The following MYL12B variants were observed in gnomAD, a reference collection of about 807,000 sequenced individuals.
The protein encoded by MYL12B is myosin regulatory light chain 12B.
Under a neutral mutation model 12.9 loss-of-function variants are expected in MYL12B, and 3 were observed. That is an observed-to-expected ratio of 0.23 (90% CI 0.11 to 0.60). MYL12B has a LOEUF of 0.60. Ranked by LOEUF, MYL12B falls within the 20% of genes least tolerant of loss-of-function variation. The probability of loss-of-function intolerance (pLI) is 0.89; values close to 1 mark genes in which losing one functional copy is unlikely to be tolerated. For synonymous variants in MYL12B, 57 were observed against 71.9 expected, an observed-to-expected ratio of 0.79 and a Z score of 1.05; for missense variants, 120 against 215.4, an observed-to-expected ratio of 0.56 and a Z score of 2.77.
chr18:3,269,865 T>C (rs1193127683), intron 1 of MYL12B, among the ~76,000 whole-genome samples: 2 of 152,218 alleles, frequency 1.3e-5, no homozygotes, highest in East Asian at 3.8e-4. Flanking sequence ...TTTTACATAA[T>C]CAGTCTTTCC....
At chr18:3,276,919 C>CAA (rs10706387) in intron 2 of MYL12B, 57 of 855,926 alleles carry the variant, frequency 6.7e-5, no homozygotes, top group Admixed American at 4.5e-4. Context: ...GCCTATAGTC[C>CAA]AAAAAAAAAA....
intron 2 of MYL12B, among the ~76,000 whole-genome samples, chr18:3,274,669 T>A (rs1244117367): frequency 6.6e-6 from 1 of 152,234 alleles, no homozygotes; most frequent in Non-Finnish European, 1.5e-5. Context: ...GCTGCTGAGA[T>A]TGGCCAAGGC....
intron 3 of MYL12B, 113 bp downstream of exon 3, chr18:3,277,527 T>TG: frequency 6.8e-7 from 1 of 1,478,254 alleles, no homozygotes; most frequent in Non-Finnish European, 9.0e-7. Context: ...AAGAATAATT[T>TG]TGTAAGCATA....
At chr18:3,269,909 G>GT (rs1567990433) in intron 1 of MYL12B, among the ~76,000 whole-genome samples, 2 of 152,176 alleles carry the variant, frequency 1.3e-5, no homozygotes, top group Admixed American at 6.5e-5. Flanking sequence ...TGATTAGAGC[G>GT]TAAGTTCTTC....
intron 1 of MYL12B, among the ~76,000 whole-genome samples, chr18:3,271,422 A>G (rs2081677986): frequency 6.6e-6 from 1 of 152,232 alleles, no homozygotes; most frequent in South Asian, 2.1e-4. Context: ...TTGAATAAAT[A>G]GAAGTAGACA....
At chr18:3,267,291 G>T (rs183240379) in intron 1 of MYL12B, among the ~76,000 whole-genome samples, 21 of 152,306 alleles carry the variant, frequency 1.4e-4, no homozygotes, top group Middle Eastern at 3.4e-3. Context: ...GATACTTAAA[G>T]GAAGAAGCCT....
Position 3,278,028 on chromosome 18 carries a change from C to G in MYL12B, c.*91C>G. Reference sequence around the variant, plus strand: ...CCACCCTCATAGAACCTGTTGCATGCAACTTAGTTTCACAGCTTTGCCTCT... The same window carrying G: ...CCACCCTCATAGAACCTGTTGCATGGAACTTAGTTTCACAGCTTTGCCTCT... On this transcript the variant is annotated 3_prime_UTR_variant, in exon 4 of 4. Coordinates refer to ENST00000237500, the MANE Select transcript of MYL12B (RefSeq NM_033546.4). The G allele has an allele frequency of 2.7e-6, 4 of 1,470,020 alleles. No individual in the cohort carries two copies. The highest frequency in any genetic ancestry group is 3.7e-6 in the Non-Finnish European group (4 of 1,090,574). The allele number at this position is 1,470,020 out of a possible 1,614,324, so 91.1% of individuals were successfully genotyped here. A position where few individuals can be genotyped will look rare whatever the true frequency, so the allele number is the denominator to read the frequency against.
At chr18:3,263,189 A>G (rs2081608510) in intron 1 of MYL12B, 1 of 152,216 alleles carries the variant, frequency 6.6e-6, no homozygotes, top group South Asian at 2.1e-4. Context: ...GAAAGAAAAG[A>G]TTATCTAAGA....
chr18:3,271,129 G>C (rs1402546471), intron 1 of MYL12B, among the ~76,000 whole-genome samples: 1 of 152,208 alleles, frequency 6.6e-6, no homozygotes, highest in Non-Finnish European at 1.5e-5. Flanking sequence ...TTTTTAGCAT[G>C]AGAATGAACC....
chr18:3,271,638 A>G (rs2081680019), intron 1 of MYL12B, among the ~76,000 whole-genome samples: 1 of 152,174 alleles, frequency 6.6e-6, no homozygotes, highest in South Asian at 2.1e-4. Flanking sequence ...GCTAAGACTC[A>G]CAGAACTCAC....
chr18:3,275,684 A>G (rs1365523957), intron 2 of MYL12B, among the ~76,000 whole-genome samples: 1 of 152,214 alleles, frequency 6.6e-6, no homozygotes, highest in African/African-American at 2.4e-5. Context: ...GAGCGGGTCC[A>G]TAAGTGCTTA....
intron 1 of MYL12B, among the ~76,000 whole-genome samples, chr18:3,271,305 G>A (rs1427141883): frequency 6.6e-6 from 1 of 152,188 alleles, no homozygotes; most frequent in Admixed American, 6.5e-5. Flanking sequence ...CTTGTATATG[G>A]GGAGGGTAAG....
rs750424875 is a variant in MYL12B at position 3,277,794 on chromosome 18, C to T, written c.376C>T (p.Leu126=). The T allele has an allele frequency of 6.2e-7, 1 of 1,613,472 alleles. No individual in the cohort carries two copies. The highest frequency in any genetic ancestry group is 1.3e-5 in the African/African-American group (1 of 75,008). Residue 126 remains leucine (L), a synonymous_variant, in exon 4 of 4, where the codon CTG becomes TTG. Transcript: ENST00000237500. ...CATTCAGGAAGATTACCTAAGAGAG[C>T]TGCTGACAACCATGGGGGATCGGTT... is the stretch of plus-strand genomic sequence containing the variant. ...GTIQEDYLRE[L]LTTMGDRFTD...
At chr18:3,266,171 C>T (rs1205733782) in intron 1 of MYL12B, among the ~76,000 whole-genome samples, 1 of 152,162 alleles carries the variant, frequency 6.6e-6, no homozygotes, top group African/African-American at 2.4e-5. Flanking sequence ...CACAGGGTCT[C>T]TCATGAGGTC....
chr18:3,268,593 T>C (rs1325514694), intron 1 of MYL12B, among the ~76,000 whole-genome samples: 3 of 152,210 alleles, frequency 2.0e-5, no homozygotes, highest in Admixed American at 1.3e-4. Context: ...GTTTTTCTGG[T>C]GTAGATTGAC....
intron 3 of MYL12B, among the ~76,000 whole-genome samples, 170 bp from the exon 4 acceptor site, chr18:3,277,595 A>C (rs572040673): frequency 6.6e-6 from 1 of 152,244 alleles, no homozygotes; most frequent in African/African-American, 2.4e-5. Flanking sequence ...AACTCTAAGA[A>C]TAATTGGAAA....
At chr18:3,275,075 C>T (rs1157767268) in intron 2 of MYL12B, among the ~76,000 whole-genome samples, 5 of 151,726 alleles carry the variant, frequency 3.3e-5, no homozygotes, top group East Asian at 1.9e-4. Context: ...CGTAAGTGTC[C>T]GTCACCAGAT....
At chr18:3,267,963 C>CTATATATATATAAATA (rs1170997176) in intron 1 of MYL12B, among the ~76,000 whole-genome samples, 1 of 152,096 alleles carries the variant, frequency 6.6e-6, no homozygotes, top group Non-Finnish European at 1.5e-5. Flanking sequence ...AATGCAAATA[C>CTATATATATATAAATA]TATATAAATA....
intron 1 of MYL12B, chr18:3,271,920 A>T (rs1236574837): frequency 8.3e-6 from 2 of 240,574 alleles, no homozygotes; most frequent in Non-Finnish European, 1.3e-5. Context: ...AGAAGAGAAA[A>T]GGGGCTGGGC....
Sources: allele counts gnomAD v4.1 joint callset (sites outside exome capture counted in the v4.1 genomes callset), GRCh38; gene constraint gnomAD v4.1.1; transcripts MANE v1.5; gene names NCBI Gene and HGNC (gene_info 2026-07-23, HGNC 2026-07-21).